The following ZC3H15 variants were observed in gnomAD, a reference collection of about 807,000 sequenced individuals.
ZC3H15 encodes zinc finger CCCH-type containing 15.
In ZC3H15, 15 loss-of-function variants were observed where a neutral mutation model predicts 51.2. That is an observed-to-expected ratio of 0.29 (90% confidence interval 0.20 to 0.45). ZC3H15 has a LOEUF of 0.45. Among genes scored for constraint, ZC3H15 ranks in the 20% least tolerant of loss-of-function variants. ZC3H15 has a pLI of 1.00. For missense variants in ZC3H15, 381 were observed against 494.7 expected (o/e 0.77, Z 2.18); for synonymous variants, 144 against 162.8 (o/e 0.88, Z 0.88).
At chr2:186,493,603 A>C (rs1015747950) in intron 1 of ZC3H15, among the ~76,000 whole-genome samples, 4 of 152,112 alleles carry the variant, frequency 2.6e-5, no homozygotes, top group African/African-American at 9.7e-5. Context: ...ACATGACTAC[A>C]AACTGGGTCA....
chr2:186,508,860 C>A lies in ZC3H15; in HGVS notation c.*127C>A. On this transcript the variant is annotated 3_prime_UTR_variant, in exon 10 of 10. Transcript: ENST00000337859. ...TGCTGATTCTGGAGGAGTTAACCTC[C>A]TGCAAAAAAGGCATCTTGTCCCTAC... is the stretch of plus-strand genomic sequence containing the variant. 1 of 1,089,590 alleles carries A rather than the reference C, an allele frequency of 9.2e-7. No homozygotes were observed. The allele number at this position is 1,089,590 out of a possible 1,614,324, so 67.5% of individuals were successfully genotyped here. A position where few individuals can be genotyped will look rare whatever the true frequency, so the allele number is the denominator to read the frequency against.
At chr2:186,494,298 T>C (rs1685247189) in intron 1 of ZC3H15, among the ~76,000 whole-genome samples, 1 of 152,220 alleles carries the variant, frequency 6.6e-6, no homozygotes, top group Non-Finnish European at 1.5e-5. Flanking sequence ...ACTAGGAATG[T>C]ATACATTTCA....
chr2:186,501,503 A>G, intron 4 of ZC3H15, 78 bp downstream of exon 4: 1 of 1,237,632 alleles, frequency 8.1e-7, no homozygotes, highest in Non-Finnish European at 1.1e-6. Context: ...TATTAAATTG[A>G]AGAACATTTC....
intron 8 of ZC3H15, 136 bp from the exon 9 acceptor site, chr2:186,506,577 C>T: frequency 1.1e-6 from 1 of 934,386 alleles, no homozygotes; most frequent in Non-Finnish European, 1.5e-6. Context: ...CAGGTGTGAG[C>T]CTCCACACCT....
chr2:186,489,846 T>C (rs1035893342), intron 1 of ZC3H15, among the ~76,000 whole-genome samples: 1 of 152,240 alleles, frequency 6.6e-6, no homozygotes, highest in African/African-American at 2.4e-5. Flanking sequence ...TCTATAGTTT[T>C]AGACAAGTTA....
intron 2 of ZC3H15, among the ~76,000 whole-genome samples, chr2:186,499,900 C>T (rs1227733798): frequency 2.0e-5 from 3 of 152,132 alleles, no homozygotes; most frequent in Non-Finnish European, 4.4e-5. Context: ...AAGAATATTG[C>T]AGGTGAAAAC....
At chr2:186,501,528 G>T (rs1574425841) in intron 4 of ZC3H15, 103 bp downstream of exon 4, 1 of 577,266 alleles carries the variant, frequency 1.7e-6, no homozygotes, top group Non-Finnish European at 2.5e-6. Context: ...TTAATAGACT[G>T]TTTATAAAAA....
At chr2:186,490,486 A>G (rs1056254205) in intron 1 of ZC3H15, among the ~76,000 whole-genome samples, 1 of 152,206 alleles carries the variant, frequency 6.6e-6, no homozygotes, top group Non-Finnish European at 1.5e-5. Flanking sequence ...GCCAAAATCA[A>G]ATGTTGATTA....
Position 186,501,260 on chromosome 2 carries a change from C to T in ZC3H15, c.290-13C>T. 6.3e-7 allele frequency: 1 copy of T among 1,591,806 alleles called. No individual in the cohort carries two copies. The highest frequency in any genetic ancestry group is 8.6e-7 in the Non-Finnish European group (1 of 1,169,112). On this transcript the variant is annotated splice_polypyrimidine_tract_variant and intron_variant, in intron 3 of 9. Coordinates refer to ENST00000337859, the MANE Select transcript of ZC3H15 (RefSeq NM_018471.3). The stretch of plus-strand genomic sequence containing the variant: ...CAGATTATAATACAAATACCATATG[C>T]CATTTGACATAGGTGCAGATCCCAA...
intron 1 of ZC3H15, chr2:186,487,184 A>G (rs138818331): frequency 6.6e-6 from 1 of 152,186 alleles, no homozygotes; most frequent in East Asian, 1.9e-4. Flanking sequence ...ATATGTGTAT[A>G]TATGTGTGTG....
Position 186,486,294 on chromosome 2 carries a change from C to G in ZC3H15, c.-89C>G. 7.5e-7 allele frequency: 1 copy of G among 1,334,948 alleles called. No individual in the cohort carries two copies. The highest frequency in any genetic ancestry group is 9.8e-7 in the Non-Finnish European group (1 of 1,018,458). The allele number at this position is 1,334,948 out of a possible 1,614,324, so 82.7% of individuals were successfully genotyped here. Reference sequence around the variant, plus strand: ...TCCGTGCGGTGCGGCGAGTGAGGCCCCGGTCTTCCTCCTCGTCCTGCCGCA... The same window carrying G: ...TCCGTGCGGTGCGGCGAGTGAGGCCGCGGTCTTCCTCCTCGTCCTGCCGCA... On this transcript the variant is annotated 5_prime_UTR_variant, in exon 1 of 10. Transcript: ENST00000337859.
At chr2:186,497,075 G>T in intron 2 of ZC3H15, 1 of 370,036 alleles carries the variant, frequency 2.7e-6, no homozygotes, top group Non-Finnish European at 5.1e-6. Flanking sequence ...TTTTTTTCAG[G>T]TTCTTTAGAC....
Position 186,505,541 on chromosome 2 carries a change from C to G in ZC3H15, c.808C>G (p.Leu270Val), listed in dbSNP as rs1685453439. Residue 270 changes from leucine (L) to valine (V), a missense_variant, in exon 7 of 10, where the codon CTT (leucine) becomes GTT (valine). By Grantham distance (32) the Leu-to-Val change is conservative. This residue lies in a region of ZC3H15 where 215 missense variants were observed against 241.8 expected (regional missense o/e 0.89). Coordinates refer to ENST00000337859, the MANE Select transcript of ZC3H15 (RefSeq NM_018471.3). The stretch of plus-strand genomic sequence containing the variant: ...GAAAAGACAAGAAAAGATTGATAAA[C>G]TTGAACAAGATATGGAAAGAAGGAA... ...KRKRQEKIDK[L>V]EQDMERRKAD... 1 of 1,608,582 alleles carries G rather than the reference C, an allele frequency of 6.2e-7. No homozygotes were observed. The highest frequency in any genetic ancestry group is 1.3e-5 in the African/African-American group (1 of 74,442).
Position 186,502,532 on chromosome 2 carries a change from AAGT to A in ZC3H15, c.483_485del (p.Val162del). ...AATTGGGATGAGAAAAAGCTGGAAG[AAGT>A]AGTGAACAAGAAGCACGGTGAGGCG... On this transcript the variant is annotated inframe_deletion, in exon 5 of 10. Transcript: ENST00000337859. 6.2e-7 allele frequency: 1 copy of A among 1,613,316 alleles called. No individual in the cohort carries two copies. Among genetic ancestry groups the A allele is most frequent in the Non-Finnish European group, 8.5e-7 (1 of 1,179,630 alleles).
intron 3 of ZC3H15, among the ~76,000 whole-genome samples, chr2:186,501,061 C>CT (rs1685374788): frequency 6.6e-6 from 1 of 152,112 alleles, no homozygotes; most frequent in Admixed American, 6.5e-5. Context: ...TCTCTGCCAC[C>CT]TTTCATAGTC....
At chr2:186,490,020 G>A (rs982752012) in intron 1 of ZC3H15, among the ~76,000 whole-genome samples, 1 of 152,042 alleles carries the variant, frequency 6.6e-6, no homozygotes, top group Non-Finnish European at 1.5e-5. Flanking sequence ...AAAAACTAGG[G>A]GACATCAGAC....
At chr2:186,503,921 T>G (rs1477813142) in intron 5 of ZC3H15, 111 bp from the exon 6 acceptor site, 25 of 812,500 alleles carry the variant, frequency 3.1e-5, no homozygotes, top group Non-Finnish European at 4.3e-5. Flanking sequence ...GAATAGAATG[T>G]ACTTGTGTAA....
intron 7 of ZC3H15, 59 bp from the exon 8 acceptor site, chr2:186,505,681 C>T: frequency 1.2e-6 from 2 of 1,604,286 alleles, no homozygotes; most frequent in African/African-American, 1.3e-5. Flanking sequence ...TCTATTTCAT[C>T]AGTGACAAGG....
Position 186,486,408 on chromosome 2 carries a change from C to A in ZC3H15, c.26C>A (p.Ala9Asp), listed in dbSNP as rs1391913221. ...ATGCCCCCCAAGAAACAGGCTCAGG[C>A]CGGGGGCAGCAAAAAGGCGGAGCAA... MPPKKQAQ[A>D]GGSKKAEQKK... Residue 9 changes from alanine to aspartate, a missense_variant, in exon 1 of 10, where the codon GCC becomes GAC. Ala to Asp is a moderately radical substitution (Grantham distance 126). Coordinates refer to ENST00000337859, the MANE Select transcript of ZC3H15 (RefSeq NM_018471.3). 6.4e-7 allele frequency: 1 copy of A among 1,559,934 alleles called. No homozygotes were observed. The highest frequency in any genetic ancestry group is 8.7e-7 in the Non-Finnish European group (1 of 1,150,214).
Sources: allele counts gnomAD v4.1 joint callset (sites outside exome capture counted in the v4.1 genomes callset), GRCh38; gene constraint gnomAD v4.1.1; regional missense constraint gnomAD v4.1.1; transcripts MANE v1.5; gene names NCBI Gene and HGNC (gene_info 2026-07-23, HGNC 2026-07-21).